The following SPOCK1 variants were observed in gnomAD, a reference collection of about 807,000 sequenced individuals.
SPOCK1 encodes SPARC (osteonectin), cwcv and kazal like domains proteoglycan 1.
A neutral mutation model predicts 55.3 loss-of-function variants in SPOCK1; 23 were observed. The ratio of observed to expected loss-of-function variants is 0.42; its 90% CI spans 0.30 to 0.59. The LOEUF (loss-of-function observed/expected upper bound fraction) is 0.59, where lower values mean the gene tolerates loss of function less well. Ranked by LOEUF, SPOCK1 falls within the 20% of genes least tolerant of loss-of-function variation. The pLI is 0.22. For missense variants in SPOCK1, 499 were observed against 552.5 expected, an observed-to-expected ratio of 0.90 and a Z score of 0.97; for synonymous variants, 226 against 221.0, an observed-to-expected ratio of 1.02 and a Z score of -0.20.
In SPOCK1 at chr5:137,267,029, G is replaced by C; in HGVS notation, c.213C>G (p.Pro71=). ...RDDDYFRNWN[P]NKPFDQALDP... ...CATTACCTTGGTCAAAGGGCTTGTTGGGATTCCAGTTTCTGAAATAATCAT... is the reference window on the plus strand; with the variant it reads ...CATTACCTTGGTCAAAGGGCTTGTTCGGATTCCAGTTTCTGAAATAATCAT... Residue 71 remains proline, a synonymous_variant, in exon 3 of 11, where the codon CCC becomes CCG. Coordinates refer to ENST00000394945, the MANE Select transcript of SPOCK1 (RefSeq NM_004598.4). 1 of 1,612,928 alleles carries C rather than the reference G, an allele frequency of 6.2e-7. No homozygotes were observed. The highest frequency in any genetic ancestry group is 8.5e-7 in the Non-Finnish European group (1 of 1,179,056).
At chr5:137,323,773 A>C (rs1758023104) in intron 2 of SPOCK1, among the ~76,000 whole-genome samples, 1 of 152,202 alleles carries the variant, frequency 6.6e-6, no homozygotes, top group Non-Finnish European at 1.5e-5. Context: ...TTAAAACCAC[A>C]ATACGATATT....
rs142911143 is a variant in SPOCK1, at chr5:137,296,968, C to T, written c.187-29913G>A. 4.5e-3 allele frequency among the ~76,000 whole-genome samples: 680 copies of T among 152,218 alleles called. 3 individuals are homozygous for T. Among genetic ancestry groups the T allele is most frequent in the African/African-American group, 0.016 (647 of 41,528 alleles). ...CTTAAAGAATTTTAGCTGGAGTGCA[C>T]CTCAAGAAGGACAGACAAGAGTATC... On this transcript the variant is annotated intron_variant, in intron 2 of 10. Transcript: ENST00000394945.
intron 5 of SPOCK1, among the ~76,000 whole-genome samples, chr5:137,092,037 C>T (rs1337019698): frequency 6.6e-6 from 1 of 152,124 alleles, no homozygotes; most frequent in African/African-American, 2.4e-5. Flanking sequence ...CCCTGCTCAC[C>T]TCTCCAGCCC....
chr5:137,307,738 T>C (rs1438950543), intron 2 of SPOCK1, among the ~76,000 whole-genome samples: 2 of 152,180 alleles, frequency 1.3e-5, no homozygotes, highest in African/African-American at 2.4e-5. Flanking sequence ...GCCCTGCAGT[T>C]GTCAGAAATT....
intron 5 of SPOCK1, among the ~76,000 whole-genome samples, chr5:137,105,213 C>T (rs1753342607): frequency 6.6e-6 from 1 of 152,216 alleles, no homozygotes; most frequent in Admixed American, 6.5e-5. Context: ...CCTGTGGATG[C>T]ACAACATGTG....
intron 6 of SPOCK1, among the ~76,000 whole-genome samples, chr5:137,029,330 T>G (rs1751733911): frequency 6.6e-6 from 1 of 152,222 alleles, no homozygotes; most frequent in Non-Finnish European, 1.5e-5. Context: ...AATAAATATG[T>G]CAAAGAAAAG....
At chr5:137,218,775 AG>A (rs1483458561) in intron 3 of SPOCK1, among the ~76,000 whole-genome samples, 3 of 152,204 alleles carry the variant, frequency 2.0e-5, no homozygotes, top group African/African-American at 7.2e-5. Context: ...CAACAAGCAC[AG>A]GTGGTCCCAA....
At chr5:137,185,520 G>A (rs114761767) in intron 3 of SPOCK1, among the ~76,000 whole-genome samples, 3,566 of 152,270 alleles carry the variant, frequency 0.023, 148 homozygotes, top group African/African-American at 0.079. Context: ...AAATAGAAAC[G>A]GACGAATTAG....
At chr5:137,413,913 C>T (rs1373492298) in intron 2 of SPOCK1, among the ~76,000 whole-genome samples, 2 of 152,152 alleles carry the variant, frequency 1.3e-5, no homozygotes, top group Non-Finnish European at 2.9e-5. Context: ...CTCAGCCCCA[C>T]ACGCACTTTT....
At chr5:137,091,695 C>A (rs1052837549) in intron 5 of SPOCK1, among the ~76,000 whole-genome samples, 1 of 152,112 alleles carries the variant, frequency 6.6e-6, no homozygotes, top group Non-Finnish European at 1.5e-5. Flanking sequence ...AAACAGAGAG[C>A]GCCTCCAGGC....
At chr5:137,087,380 T>C (rs578254677) in intron 5 of SPOCK1, among the ~76,000 whole-genome samples, 29 of 152,354 alleles carry the variant, frequency 1.9e-4, no homozygotes, top group African/African-American at 6.0e-4. Flanking sequence ...AGAGAACTAG[T>C]ACCACTGACA....
chr5:137,383,444 G>A (rs1030128512), intron 2 of SPOCK1, among the ~76,000 whole-genome samples: 4 of 152,120 alleles, frequency 2.6e-5, no homozygotes, highest in South Asian at 2.1e-4. Flanking sequence ...CCATGAAGAC[G>A]GGATGGAAAC....
chr5:137,295,753 G>A (rs1482567758), intron 2 of SPOCK1, among the ~76,000 whole-genome samples: 1 of 151,678 alleles, frequency 6.6e-6, no homozygotes, highest in Non-Finnish European at 1.5e-5. Context: ...ATTGGGTGTG[G>A]TTTCTGATTT....
chr5:137,160,539 TAA>T (rs1174372846), intron 3 of SPOCK1, among the ~76,000 whole-genome samples: 13,193 of 74,032 alleles, frequency 0.18, 1,374 homozygotes, highest in Middle Eastern at 0.28. Flanking sequence ...TAAAAATATA[TAA>T]TATATATAAT....
At chr5:137,019,013 G>A (rs1158261742) in intron 6 of SPOCK1, among the ~76,000 whole-genome samples, 3 of 152,004 alleles carry the variant, frequency 2.0e-5, no homozygotes, top group African/African-American at 7.2e-5. Context: ...ACACAAAAGT[G>A]TTTCACTTCA....
chr5:137,082,108 C>G (rs753747090), intron 5 of SPOCK1, among the ~76,000 whole-genome samples: 3 of 152,326 alleles, frequency 2.0e-5, no homozygotes, highest in Non-Finnish European at 2.9e-5. Flanking sequence ...CCACTTGCTC[C>G]ATGGCCAGAA....
At chr5:137,356,269 G>A (rs966170222) in intron 2 of SPOCK1, among the ~76,000 whole-genome samples, 6 of 152,172 alleles carry the variant, frequency 3.9e-5, no homozygotes, top group Non-Finnish European at 5.9e-5. Context: ...TAAGTTGACT[G>A]CCAAGTGAGG....
intron 3 of SPOCK1, among the ~76,000 whole-genome samples, chr5:137,184,989 G>A (rs1212863671): frequency 1.3e-5 from 2 of 152,210 alleles, no homozygotes; most frequent in African/African-American, 4.8e-5. Flanking sequence ...GATTCCCTGT[G>A]CAGAACTTAA....
rs1229021501 is a variant in SPOCK1 at position 137,009,515 on chromosome 5, T to A, written c.590-16915A>T. On this transcript the variant is annotated intron_variant, in intron 6 of 10. Transcript: ENST00000394945. The stretch of plus-strand genomic sequence containing the variant: ...TTTGTTTCTATGTGCATCAAGAGCC[T>A]CTTCAAGCATACACAATATAAATAC... Among the ~76,000 whole-genome samples the A allele has an allele frequency of 2.6e-5, 4 of 152,134 alleles. No homozygotes were observed. In the East Asian group the frequency reaches 7.7e-4, roughly 29 times the overall value.
Sources: gnomAD v4.1 joint callset for allele counts (sites outside exome capture counted in the v4.1 genomes callset) on GRCh38, gnomAD v4.1.1 for gene constraint, MANE v1.5 for transcripts, NCBI Gene and HGNC (gene_info 2026-07-23, HGNC 2026-07-21) for gene names.